GOLGA4: variants seen among roughly 807,000 people sequenced by gnomAD.
The protein encoded by GOLGA4 is golgin subfamily A member 4.
In GOLGA4, 169 loss-of-function variants were observed where a neutral mutation model predicts 265.9. The observed-to-expected ratio is 0.64, with a 90% CI of 0.56 to 0.72. The LOEUF is 0.72. Ranked by LOEUF, GOLGA4 falls within the 30% of genes least tolerant of loss-of-function variation. GOLGA4 has a pLI of 0.00. For missense variants in GOLGA4, 2,482 were observed against 2,483.4 expected (o/e 1.00, Z 0.01); for synonymous variants, 923 against 855.8 (o/e 1.08, Z -1.37).
At chr3:37,310,560 G>C (rs2096920266) in intron 10 of GOLGA4, among the ~76,000 whole-genome samples, 1 of 152,138 alleles carries the variant, frequency 6.6e-6, no homozygotes. Flanking sequence ...CCCTTATAGA[G>C]AGCATTTGTC....
At chr3:37,314,642 AACACACACACACACAC>A (rs60890140) in intron 10 of GOLGA4, among the ~76,000 whole-genome samples, 52 of 138,966 alleles carry the variant, frequency 3.7e-4, no homozygotes, top group Non-Finnish European at 4.3e-4. Flanking sequence ...CTCCGTCTCA[AACACACACACACACAC>A]ACACACACAC....
In GOLGA4 at chr3:37,324,758, A is replaced by G. The variant is rs2096965108; in HGVS notation, c.2872A>G (p.Lys958Glu). Residue 958 changes from lysine (K) to glutamate (E), a missense_variant, in exon 14 of 24, where the codon AAA (lysine) becomes GAA (glutamate). Transcript: ENST00000361924. Reference sequence around the variant, plus strand: ...TAAAAACCAAGAAAAAAAGATGGAAAAAGTTAAGCAGAAAGCAAAGGAGAT... The same window carrying G: ...TAAAAACCAAGAAAAAAAGATGGAAGAAGTTAAGCAGAAAGCAAAGGAGAT... ...KFKNQEKKME[K>E]VKQKAKEMQE... The G allele has an allele frequency of 6.3e-7, 1 of 1,586,278 alleles. No homozygotes were observed. The highest frequency in any genetic ancestry group is 8.5e-7 in the Non-Finnish European group (1 of 1,172,894).
chr3:37,365,730 G>A (rs1696698089), intron 23 of GOLGA4, among the ~76,000 whole-genome samples: 1 of 151,748 alleles, frequency 6.6e-6, no homozygotes, highest in African/African-American at 2.4e-5. Context: ...CTATAGGTTG[G>A]TTTGCATCAT....
chr3:37,270,884 A>G (rs75348834), intron 2 of GOLGA4, among the ~76,000 whole-genome samples: 3,754 of 152,128 alleles, frequency 0.025, 138 homozygotes, highest in African/African-American at 0.085. Context: ...TGAAGTAATT[A>G]TATAACTCGT....
At chr3:37,265,970 G>A (rs961894827) in intron 2 of GOLGA4, among the ~76,000 whole-genome samples, 8 of 146,124 alleles carry the variant, frequency 5.5e-5, no homozygotes, top group Non-Finnish European at 1.0e-4. Context: ...AGGGTACAGT[G>A]ATCCGAGATT....
At chr3:37,250,920 ATT>A (rs2096731961) in intron 1 of GOLGA4, among the ~76,000 whole-genome samples, 1 of 152,230 alleles carries the variant, frequency 6.6e-6, no homozygotes, top group East Asian at 1.9e-4. Context: ...TTATCTGTGC[ATT>A]TCATACTATT....
intron 20 of GOLGA4, among the ~76,000 whole-genome samples, chr3:37,345,572 G>T (rs537810585): frequency 6.6e-6 from 1 of 152,120 alleles, no homozygotes; most frequent in African/African-American, 2.4e-5. Context: ...TAATTTCCTC[G>T]CATAATTGCT....
Position 37,326,931 on chromosome 3 carries a change from A to C in GOLGA4, c.5045A>C (p.Gln1682Pro), listed in dbSNP as rs1287505577. The change falls in exon 14 of 24, where the codon CAG (glutamine) becomes CCG (proline). Residue 1682 changes from glutamine to proline, a missense_variant. Gln to Pro is a moderately conservative substitution (Grantham distance 76). Around this residue, in one of 3 missense-constraint regions of GOLGA4, gnomAD observed 942 missense variants for 983.1 expected, o/e 0.96. Transcript: ENST00000361924. ...TTGAGTGAGCTAAATACAAAATTGC[A>C]GGAAAGAGAAAGGGAAGTTCACATC... The part of the protein sequence containing the change: ...SHLSELNTKL[Q>P]EREREVHILE... 1 of 1,613,938 alleles carries C rather than the reference A, an allele frequency of 6.2e-7. No homozygotes were observed. The highest frequency in any genetic ancestry group is 1.1e-5 in the South Asian group (1 of 91,068).
rs368357728 is a variant in GOLGA4, at chr3:37,289,212, T to A, written c.526-23T>A. The A allele has an allele frequency of 1.4e-5, 21 of 1,448,294 alleles. No individual in the cohort carries two copies. In the African/African-American group the frequency reaches 2.4e-4, roughly 17 times the overall value. The allele number at this position is 1,448,294 out of a possible 1,614,324, so 89.7% of individuals were successfully genotyped here. The stretch of plus-strand genomic sequence containing the variant: ...TCATACAGTTAGCTGTTTAACCAGC[T>A]TTTTTTTCTCTCTCAATTAAAGGGT... On this transcript the variant is annotated intron_variant, in intron 4 of 23. Transcript: ENST00000361924.
At chr3:37,319,972 T>C (rs1354798645) in intron 12 of GOLGA4, 2 of 152,160 alleles carry the variant, frequency 1.3e-5, no homozygotes, top group Non-Finnish European at 2.9e-5. Context: ...AGACTGAGTG[T>C]ACCCAGAGCT....
chr3:37,336,003 C>T (rs897043580), intron 17 of GOLGA4, among the ~76,000 whole-genome samples: 2 of 152,200 alleles, frequency 1.3e-5, no homozygotes, highest in African/African-American at 2.4e-5. Context: ...GGAGAGGATT[C>T]GTTACAGAAT....
chr3:37,279,888 C>T (rs1310271415), intron 2 of GOLGA4, among the ~76,000 whole-genome samples: 1 of 148,708 alleles, frequency 6.7e-6, no homozygotes, highest in African/African-American at 2.5e-5. Context: ...GCCTGGGCAA[C>T]AGAGAAAGAC....
chr3:37,355,174 A>T lies in GOLGA4; in HGVS notation c.6650A>T (p.Asp2217Val). 6.3e-7 allele frequency: 1 copy of T among 1,581,358 alleles called. No individual in the cohort carries two copies. Among genetic ancestry groups the T allele is most frequent in the Non-Finnish European group, 8.7e-7 (1 of 1,150,414 alleles). Reference protein sequence around the residue: ...DQTQKILEREDARLMFTSPRS... With the variant: ...DQTQKILEREVARLMFTSPRS... ...ACTCAGAAAATTTTGGAAAGAGAAGATGCTCGGCTGATGGTAAGTTCTGGA... is the reference window on the plus strand; with the variant it reads ...ACTCAGAAAATTTTGGAAAGAGAAGTTGCTCGGCTGATGGTAAGTTCTGGA... The change falls in exon 22 of 24, where the codon GAT becomes GTT. Residue 2217 changes from aspartate to valine, a missense_variant. Coordinates refer to ENST00000361924, the MANE Select transcript of GOLGA4 (RefSeq NM_002078.5).
chr3:37,325,647 A>G lies in GOLGA4; in HGVS notation c.3761A>G (p.Gln1254Arg). 1 of 1,613,948 alleles carries G rather than the reference A, an allele frequency of 6.2e-7. No individual in the cohort carries two copies. The highest frequency in any genetic ancestry group is 8.5e-7 in the Non-Finnish European group (1 of 1,179,820). ...ATTCTTTCTAGGATTTCTCATTGTC[A>G]GCACCGTACAACTAAAGTTAAGGAG... Reference protein sequence around the residue: ...NAILSRISHCQHRTTKVKEAL... With the variant: ...NAILSRISHCRHRTTKVKEAL... Residue 1254 changes from glutamine to arginine, a missense_variant, in exon 14 of 24, where the codon CAG becomes CGG. By Grantham distance (43) the Gln-to-Arg change is conservative. Coordinates refer to ENST00000361924, the MANE Select transcript of GOLGA4 (RefSeq NM_002078.5).
At chr3:37,340,770 G>C (rs772447014) in intron 20 of GOLGA4, among the ~76,000 whole-genome samples, 14 of 152,122 alleles carry the variant, frequency 9.2e-5, no homozygotes, top group Admixed American at 7.9e-4. Flanking sequence ...TTGTTCCAAT[G>C]GCAGAGTTTT....
chr3:37,302,194 A>T lies in GOLGA4; in HGVS notation c.1096A>T (p.Ile366Phe), dbSNP rs2096894737. Residue 366 changes from isoleucine to phenylalanine, a missense_variant, in exon 10 of 24, where the codon ATC (isoleucine) becomes TTC (phenylalanine). By Grantham distance (21) the Ile-to-Phe change is conservative. Transcript: ENST00000361924. ...CTTCACTTCTATTCAGGGAATGGTA[A>T]TCGCAGAGACAAAACGTCAGATGCA... Reference protein sequence around the residue: ...EQLEQDKGMVIAETKRQMHET... With the variant: ...EQLEQDKGMVFAETKRQMHET... The T allele has an allele frequency of 6.2e-7, 1 of 1,613,326 alleles. No individual in the cohort carries two copies. Among genetic ancestry groups the T allele is most frequent in the Admixed American group, 1.7e-5 (1 of 59,998 alleles).
chr3:37,328,486 C>T lies in GOLGA4; in HGVS notation c.6010C>T (p.Gln2004Ter). 1.2e-6 allele frequency: 2 copies of T among 1,612,898 alleles called. No individual in the cohort carries two copies. The highest frequency in any genetic ancestry group is 1.7e-6 in the Non-Finnish European group (2 of 1,179,100). ...LKQLMREFNTQLAQKEQELEM... is the reference protein window; with the variant it reads ...LKQLMREFNT Reference sequence around the variant, plus strand: ...ACAGCTGATGAGGGAGTTTAATACACAGCTGGCACAAAAGGAACAAGAGCT... The same window carrying T: ...ACAGCTGATGAGGGAGTTTAATACATAGCTGGCACAAAAGGAACAAGAGCT... The change falls in exon 15 of 24, where the codon CAG becomes TAG. Residue 2004 changes from glutamine (Q) to a stop codon, truncating the protein, a stop_gained. Coordinates refer to ENST00000361924, the MANE Select transcript of GOLGA4 (RefSeq NM_002078.5). LOFTEE classifies it high-confidence loss of function.
rs1196907895 is a variant in GOLGA4, at chr3:37,337,672, C to T, written c.6334C>T (p.Leu2112=). The change falls in exon 19 of 24, where the codon CTA becomes TTA. Residue 2112 remains leucine, a synonymous_variant. Transcript: ENST00000361924. ...NVTIMELQTQ[L]AQKTTLISDS... Reference sequence around the variant, plus strand: ...TGACTTTTTGTTCTTTCAGACACAGCTAGCACAGAAGACGACTTTAATCAG... The same window carrying T: ...TGACTTTTTGTTCTTTCAGACACAGTTAGCACAGAAGACGACTTTAATCAG... 1.9e-6 allele frequency: 3 copies of T among 1,608,542 alleles called. No individual in the cohort carries two copies. The highest frequency in any genetic ancestry group is 3.3e-5 in the Admixed American group (2 of 60,022).
At chr3:37,298,329 G>A (rs529787262) in intron 7 of GOLGA4, among the ~76,000 whole-genome samples, 16 of 152,146 alleles carry the variant, frequency 1.1e-4, no homozygotes, top group Non-Finnish European at 1.8e-4. Flanking sequence ...GGTCAGAGAT[G>A]ATATCATAGG....
Sources: gnomAD v4.1 joint callset for allele counts (sites outside exome capture counted in the v4.1 genomes callset) on GRCh38, gnomAD v4.1.1 for gene constraint, gnomAD v4.1.1 regional missense constraint, MANE v1.5 for transcripts, NCBI Gene and HGNC (gene_info 2026-07-23, HGNC 2026-07-21) for gene names.